The following TPRKB variants were observed in gnomAD, a reference collection of about 807,000 sequenced individuals.
TPRKB encodes EKC/KEOPS complex subunit TPRKB.
In TPRKB, 11 loss-of-function variants were observed where a neutral mutation model predicts 17.8. The ratio of observed to expected loss-of-function variants is 0.62; its 90% confidence interval spans 0.39 to 1.02. TPRKB has a LOEUF of 1.02. TPRKB is among the 50% of genes least tolerant of loss of function. TPRKB has a pLI of 0.00. For synonymous variants in TPRKB, 71 were observed against 69.5 expected, an observed-to-expected ratio of 1.02 and a Z score of -0.11; for missense variants, 228 against 198.0, an observed-to-expected ratio of 1.15 and a Z score of -0.91.
At chr2:73,732,504 G>T in intron 2 of TPRKB, 1 of 489,828 alleles carries the variant, frequency 2.0e-6, no homozygotes, top group Non-Finnish European at 3.6e-6. Context: ...CTGACGTCAG[G>T]GTTCAAGACC....
At chr2:73,736,125 G>T (rs756721293) in intron 1 of TPRKB, among the ~76,000 whole-genome samples, 7 of 152,166 alleles carry the variant, frequency 4.6e-5, no homozygotes, top group Admixed American at 1.3e-4. Flanking sequence ...CTCTTATTTA[G>T]AATTAATTTG....
intron 2 of TPRKB, among the ~76,000 whole-genome samples, chr2:73,732,878 T>C (rs1671687226): frequency 1.3e-5 from 2 of 152,222 alleles, no homozygotes; most frequent in Admixed American, 1.3e-4. Context: ...TTACTTGTAA[T>C]ATTTTCTTTA....
In TPRKB at chr2:73,734,488, C is replaced by T; in HGVS notation, c.82G>A (p.Asp28Asn). The T allele has an allele frequency of 6.2e-7, 1 of 1,614,100 alleles. No individual in the cohort carries two copies. The highest frequency in any genetic ancestry group is 8.5e-7 in the Non-Finnish European group (1 of 1,180,008). ...LLFKDVKNAGDLRRKAMEGTI... is the reference protein window; with the variant it reads ...LLFKDVKNAGNLRRKAMEGTI... ...CCTTCCATGGCCTTTCTTCTCAAGT[C>T]TCCCGCATTTTTTACATCTTTAAAT... The change falls in exon 2 of 5, where the codon GAC becomes AAC. Residue 28 changes from aspartate to asparagine, a missense_variant. Asp to Asn is a conservative substitution (Grantham distance 23, BLOSUM62 1). Coordinates refer to ENST00000272424, the MANE Select transcript of TPRKB (RefSeq NM_016058.5).
intron 1 of TPRKB, among the ~76,000 whole-genome samples, chr2:73,735,407 A>G (rs530268970): frequency 6.6e-6 from 1 of 152,210 alleles, no homozygotes; most frequent in Non-Finnish European, 1.5e-5. Context: ...TAATGGGTGC[A>G]GCATACAAAC....
intron 1 of TPRKB, among the ~76,000 whole-genome samples, chr2:73,735,867 G>T (rs1370417072): frequency 1.3e-5 from 2 of 152,096 alleles, no homozygotes; most frequent in Non-Finnish European, 2.9e-5. Flanking sequence ...AATTATATAA[G>T]ATGTTCCTCT....
At chr2:73,733,882 A>G (rs1671752893) in intron 2 of TPRKB, among the ~76,000 whole-genome samples, 1 of 148,374 alleles carries the variant, frequency 6.7e-6, no homozygotes, top group Non-Finnish European at 1.5e-5. Context: ...CAGTGGCACA[A>G]TCTCGGCTCA....
At position 73,732,305 on chromosome 2, in the gene TPRKB, GAATT is replaced by G. The variant is rs1558757810; in HGVS notation, c.142-24_142-21del. The G allele has an allele frequency of 1.9e-6, 3 of 1,607,408 alleles. No individual in the cohort carries two copies. The highest frequency in any genetic ancestry group is 2.2e-5 in the South Asian group (2 of 89,822). ...AACAATCTACCAAAGCAAGGAAAAA[GAATT>G]AATTACACATGGAGAATCTGCAGTG... is the stretch of plus-strand genomic sequence containing the variant. On this transcript the variant is annotated intron_variant, in intron 2 of 4. Coordinates refer to ENST00000272424, the MANE Select transcript of TPRKB (RefSeq NM_016058.5).
intron 3 of TPRKB, among the ~76,000 whole-genome samples, chr2:73,731,665 G>T (rs1671617916): frequency 6.6e-6 from 1 of 152,052 alleles, no homozygotes; most frequent in Non-Finnish European, 1.5e-5. Context: ...AACTTTCATT[G>T]AAAAAGCATT....
Position 73,734,464 on chromosome 2 carries a change from C to T in TPRKB, c.106G>A (p.Gly36Ser). 1 of 1,613,834 alleles carries T rather than the reference C, an allele frequency of 6.2e-7. No individual in the cohort carries two copies. Among genetic ancestry groups the T allele is most frequent in the Non-Finnish European group, 8.5e-7 (1 of 1,179,908 alleles). ...AGDLRRKAME[G>S]TIDGSLINPT... Reference sequence around the variant, plus strand: ...TTTATCAGTGATCCATCGATGGTGCCTTCCATGGCCTTTCTTCTCAAGTCT... The same window carrying T: ...TTTATCAGTGATCCATCGATGGTGCTTTCCATGGCCTTTCTTCTCAAGTCT... Residue 36 changes from glycine (G) to serine (S), a missense_variant, in exon 2 of 5, where the codon GGC becomes AGC. By Grantham distance (56) the Gly-to-Ser change is moderately conservative (BLOSUM62 0). Transcript: ENST00000272424.
intron 1 of TPRKB, among the ~76,000 whole-genome samples, chr2:73,736,055 T>C (rs1281696339): frequency 6.6e-6 from 1 of 152,024 alleles, no homozygotes; most frequent in Non-Finnish European, 1.5e-5. Flanking sequence ...AAAATGTGGG[T>C]TTTTTAAAAG....
At chr2:73,736,250 G>A (rs1306337788) in intron 1 of TPRKB, among the ~76,000 whole-genome samples, 1 of 151,820 alleles carries the variant, frequency 6.6e-6, no homozygotes, top group Non-Finnish European at 1.5e-5. Context: ...ATAATCAGTA[G>A]GATCCCAATT....
At chr2:73,731,679 A>G (rs770213249) in intron 3 of TPRKB, among the ~76,000 whole-genome samples, 6 of 152,316 alleles carry the variant, frequency 3.9e-5, no homozygotes, top group Admixed American at 6.5e-5. Context: ...AAGCATTACT[A>G]TAAGTATTTC....
intron 1 of TPRKB, among the ~76,000 whole-genome samples, chr2:73,736,767 G>C (rs1413021427): frequency 6.6e-6 from 1 of 152,096 alleles, no homozygotes; most frequent in Admixed American, 6.6e-5. Flanking sequence ...CTTTCAAAAT[G>C]TACATCAGAT....
chr2:73,733,408 A>C (rs976141119), intron 2 of TPRKB, among the ~76,000 whole-genome samples: 1 of 151,834 alleles, frequency 6.6e-6, no homozygotes, highest in Non-Finnish European at 1.5e-5. Context: ...ACCAGCACAC[A>C]CCACCACACC....
At chr2:73,732,356 A>G in intron 2 of TPRKB, 71 bp from the exon 3 acceptor site, 2 of 1,485,720 alleles carry the variant, frequency 1.3e-6, no homozygotes. Flanking sequence ...ATGGTAACTC[A>G]TGGTTAACTC....
chr2:73,731,995 C>G (rs1671632747), intron 3 of TPRKB, 168 bp downstream of exon 3: 1 of 695,526 alleles, frequency 1.4e-6, no homozygotes, highest in Non-Finnish European at 2.3e-6. Context: ...TGTAAACTGT[C>G]TTAGTAAGAG....
At chr2:73,730,775 T>TA (rs1403427490) in intron 3 of TPRKB, 39 bp from the exon 4 acceptor site, 2 of 1,387,778 alleles carry the variant, frequency 1.4e-6, no homozygotes, top group Admixed American at 2.8e-5. Flanking sequence ...ACAAGATCAT[T>TA]AACCATTGTT....
At chr2:73,732,097 A>G in intron 3 of TPRKB, 66 bp downstream of exon 3, 2 of 1,555,432 alleles carry the variant, frequency 1.3e-6, no homozygotes, top group South Asian at 1.2e-5. Flanking sequence ...TTAGCCTCCA[A>G]CCCAACACTG....
intron 4 of TPRKB, 113 bp from the exon 5 acceptor site, chr2:73,730,142 G>A (rs1277889771): frequency 4.0e-6 from 5 of 1,235,422 alleles, no homozygotes; most frequent in South Asian, 1.6e-5. Context: ...TGGGTTCATG[G>A]TATAACAAAC....
Sources: gnomAD v4.1 joint callset for allele counts (sites outside exome capture counted in the v4.1 genomes callset) on GRCh38, gnomAD v4.1.1 for gene constraint, MANE v1.5 for transcripts, NCBI Gene and HGNC (gene_info 2026-07-23, HGNC 2026-07-21) for gene names.